Variants in HECTD4 observed in about 807,000 individuals in gnomAD.
HECTD4 encodes probable E3 ubiquitin-protein ligase HECTD4.
In HECTD4, 114 loss-of-function variants were observed where a neutral mutation model predicts 471.5. That is an observed-to-expected ratio of 0.24 (90% CI 0.21 to 0.28). The LOEUF (loss-of-function observed/expected upper bound fraction) is 0.28. Ranked by LOEUF, HECTD4 falls within the 10% of genes least tolerant of loss-of-function variation. The pLI, the probability that HECTD4 is intolerant of heterozygous loss-of-function variation, is 1.00. For synonymous variants in HECTD4, 2,012 were observed against 2,256.0 expected, an observed-to-expected ratio of 0.89 and a Z score of 3.07; for missense variants, 3,866 against 5,651.5, an observed-to-expected ratio of 0.68 and a Z score of 10.13.
At chr12:112,372,104 C>CTTT (rs538069859) in intron 1 of HECTD4, among the ~76,000 whole-genome samples, 11 of 135,866 alleles carry the variant, frequency 8.1e-5, no homozygotes, top group African/African-American at 2.7e-4. Flanking sequence ...ATAATCACAT[C>CTTT]TTTTTTTTTT....
intron 6 of HECTD4, among the ~76,000 whole-genome samples, chr12:112,307,561 T>TAGACA (rs1358707330): frequency 6.6e-6 from 1 of 152,242 alleles, no homozygotes; most frequent in African/African-American, 2.4e-5. Context: ...CTCATCTGTC[T>TAGACA]GCACTTGTGA....
At chr12:112,240,152 A>C in intron 32 of HECTD4, 125 bp from the exon 33 acceptor site, 1 of 1,001,716 alleles carries the variant, frequency 1.0e-6, no homozygotes, top group Non-Finnish European at 1.5e-6. Flanking sequence ...ATCTTGGAGA[A>C]CATCCAGCTC....
Position 112,211,554 on chromosome 12 carries a change from G to A in HECTD4, c.7629+933C>T, listed in dbSNP as rs181596075. 2.6e-3 allele frequency among the ~76,000 whole-genome samples: 394 copies of A among 151,856 alleles called. 2 individuals are homozygous for A. Among genetic ancestry groups the A allele is most frequent in the African/African-American group, 8.4e-3 (346 of 41,410 alleles). ...GGGAAAAAAAAAAAAAAGATAAGAC[G>A]TGAACGGGCAAGAATGGGGACTGGG... On this transcript the variant is annotated intron_variant, in intron 49 of 75. Coordinates refer to ENST00000682272, the MANE Select transcript of HECTD4 (RefSeq NM_001388303.1).
rs2137014193 is a variant in HECTD4, at chr12:112,175,721, G to A, written c.11594+15C>T. On this transcript the variant is annotated intron_variant, in intron 66 of 75. Transcript: ENST00000682272. The stretch of plus-strand genomic sequence containing the variant: ...TATGCAAGGTGCCAACTGAGTCGAG[G>A]GGTAACCCTCTTACCTCTCAAAGTG... 6.2e-7 allele frequency: 1 copy of A among 1,610,154 alleles called. No individual in the cohort carries two copies. The highest frequency in any genetic ancestry group is 1.1e-5 in the South Asian group (1 of 90,122).
chr12:112,329,020 G>A (rs2035797974), intron 1 of HECTD4, among the ~76,000 whole-genome samples: 1 of 152,210 alleles, frequency 6.6e-6, no homozygotes, highest in Non-Finnish European at 1.5e-5. Context: ...AGAAATTACT[G>A]TTCAAATTCT....
intron 7 of HECTD4, among the ~76,000 whole-genome samples, chr12:112,287,321 C>CT (rs1463552486): frequency 1.3e-5 from 2 of 152,154 alleles, no homozygotes; most frequent in African/African-American, 2.4e-5. Flanking sequence ...ATTTACTGGG[C>CT]TACCCAGATA....
At chr12:112,330,319 A>AT (rs1566114274) in intron 1 of HECTD4, among the ~76,000 whole-genome samples, 1 of 152,096 alleles carries the variant, frequency 6.6e-6, no homozygotes, top group Non-Finnish European at 1.5e-5. Context: ...ACTCTTCAAA[A>AT]TGGTTTGAAT....
At position 112,161,301 on chromosome 12, in the gene HECTD4, T is replaced by C. The variant is rs2030680001; in HGVS notation, c.*1086A>G. On this transcript the variant is annotated 3_prime_UTR_variant, in exon 76 of 76. Coordinates refer to ENST00000682272, the MANE Select transcript of HECTD4 (RefSeq NM_001388303.1). ...GGCAGCTCAGCCCTGGCATACACAC[T>C]TACATGGGGTGATGGGGAGTGCTGG... is the stretch of plus-strand genomic sequence containing the variant. The C allele has an allele frequency of 6.6e-6, 1 of 152,094 alleles. No individual in the cohort carries two copies. Among genetic ancestry groups the C allele is most frequent in the Admixed American group, 6.5e-5 (1 of 15,272 alleles). 9.4% of individuals were successfully genotyped at this position (152,094 alleles called of 1,614,324 possible).
In HECTD4 at chr12:112,163,064, G is replaced by A. The variant is rs1350872417; in HGVS notation, c.13098C>T (p.Ile4366=). 2 of 1,612,258 alleles carry A rather than the reference G, an allele frequency of 1.2e-6. No individual in the cohort carries two copies. Among genetic ancestry groups the A allele is most frequent in the Non-Finnish European group, 1.7e-6 (2 of 1,178,932 alleles). ...TACCTGCTGTGCCATCTGGGGGGGC[G>A]ATCTTCATGGGGTACGGGGGCACAT... ...TAHVPPYPMK[I]APPDGTAGSP... is the part of the protein sequence containing the mutation. The change falls in exon 75 of 76, where the codon ATC becomes ATT. Residue 4366 remains isoleucine, a synonymous_variant. Transcript: ENST00000682272. The surrounding 1 kb of genome is among the most constrained non-coding windows in gnomAD (Gnocchi z 8.2).
At chr12:112,276,785 T>C (rs2034537257) in intron 9 of HECTD4, among the ~76,000 whole-genome samples, 3 of 152,012 alleles carry the variant, frequency 2.0e-5, no homozygotes, top group African/African-American at 4.8e-5. Flanking sequence ...TTTGGAGGAA[T>C]AGATATTCCT....
In HECTD4 at chr12:112,184,464, G is replaced by A. The variant is rs772083831; in HGVS notation, c.10502C>T (p.Ser3501Phe). 3.7e-6 allele frequency: 6 copies of A among 1,606,368 alleles called. No individual in the cohort carries two copies. The highest frequency in any genetic ancestry group is 4.2e-6 in the Non-Finnish European group (5 of 1,177,306). Residue 3501 changes from serine to phenylalanine, a missense_variant, in exon 61 of 76, where the codon TCC (serine) becomes TTC (phenylalanine). Physicochemically the swap from Ser to Phe is radical, Grantham distance 155. Coordinates refer to ENST00000682272, the MANE Select transcript of HECTD4 (RefSeq NM_001388303.1). This position sits in a 1 kb window ranked among gnomAD's most constrained non-coding sequence, Gnocchi z 9.1. The stretch of plus-strand genomic sequence containing the variant: ...CACAGAGAGGTCGCTGACGGTTTGG[G>A]AGATGCCCTGCGAGCTGCAGATGGA... ...QASICSSQGISQTVSDLSVDP... is the reference protein window; with the variant it reads ...QASICSSQGIFQTVSDLSVDP...
chr12:112,246,451 T>C (rs2033763300), intron 29 of HECTD4, among the ~76,000 whole-genome samples: 3 of 152,098 alleles, frequency 2.0e-5, no homozygotes, highest in East Asian at 1.9e-4. Context: ...CTAGCCAACA[T>C]AGTGAAACCC....
chr12:112,179,148 T>A lies in HECTD4; in HGVS notation c.11211+26A>T. The A allele has an allele frequency of 2.5e-6, 4 of 1,613,384 alleles. No individual in the cohort carries two copies. The highest frequency in any genetic ancestry group is 2.5e-6 in the Non-Finnish European group (3 of 1,179,652). ...CCTGCAGGGCACCCAAGGCCCGGCC[T>A]GGGTATGGTGGGGACGGGCAGCTAC... On this transcript the variant is annotated intron_variant, in intron 63 of 75. Transcript: ENST00000682272. The surrounding 1 kb of genome is among the most constrained non-coding windows in gnomAD (Gnocchi z 4.3).
intron 7 of HECTD4, among the ~76,000 whole-genome samples, chr12:112,303,556 A>G (rs1446488800): frequency 6.6e-6 from 1 of 152,238 alleles, no homozygotes; most frequent in Non-Finnish European, 1.5e-5. Flanking sequence ...GGAATCAGAA[A>G]AGAAAGAGGG....
chr12:112,231,398 C>A (rs773768503), intron 39 of HECTD4, 115 bp downstream of exon 39: 3 of 930,102 alleles, frequency 3.2e-6, no homozygotes, highest in Non-Finnish European at 5.1e-6. Context: ...CAGCAGATGG[C>A]GGCCTCATTT....
At chr12:112,332,026 T>C (rs923014473) in intron 1 of HECTD4, among the ~76,000 whole-genome samples, 1 of 151,978 alleles carries the variant, frequency 6.6e-6, no homozygotes, top group African/African-American at 2.4e-5. Context: ...GTTAAGGAAC[T>C]GGGGATGCGT....
intron 35 of HECTD4, among the ~76,000 whole-genome samples, chr12:112,236,570 C>T: frequency 6.6e-6 from 1 of 152,278 alleles, no homozygotes; most frequent in Non-Finnish European, 1.5e-5. Context: ...CTTTTAAAGA[C>T]ACAGCATGAG....
At position 112,247,034 on chromosome 12, in the gene HECTD4, G is replaced by A; in HGVS notation, c.4380C>T (p.Pro1460=). The A allele has an allele frequency of 6.2e-7, 1 of 1,610,242 alleles. No homozygotes were observed. ...TCTTTGTTTTAGCCAGTGGGTGTGA[G>A]GGTTTCTGAATAAGAGAATTCACTT... The part of the protein sequence containing the change: ...LQEVNSLIQK[P]SHPLAKTKTL... Residue 1460 remains proline (P), a synonymous_variant, in exon 29 of 76, where the codon CCC becomes CCT. Coordinates refer to ENST00000682272, the MANE Select transcript of HECTD4 (RefSeq NM_001388303.1).
chr12:112,361,798 C>T (rs1304664238), intron 1 of HECTD4, among the ~76,000 whole-genome samples: 1 of 152,126 alleles, frequency 6.6e-6, no homozygotes, highest in Non-Finnish European at 1.5e-5. Flanking sequence ...TCCCACAGGG[C>T]ACAATATTCT....
Sources: allele counts gnomAD v4.1 joint callset (sites outside exome capture counted in the v4.1 genomes callset), GRCh38; gene constraint gnomAD v4.1.1; non-coding constraint Gnocchi (gnomAD v3.1); transcripts MANE v1.5; gene names NCBI Gene and HGNC (gene_info 2026-07-23, HGNC 2026-07-21).